SLC15A3: variants seen among roughly 807,000 people sequenced by gnomAD.
SLC15A3 encodes osteoclast transporter.
In SLC15A3, 39 loss-of-function variants were observed where a neutral mutation model predicts 49.2. The observed-to-expected ratio is 0.79, with a 90% CI of 0.61 to 1.04. The LOEUF is 1.04. Among genes scored for constraint, SLC15A3 ranks in the 50% least tolerant of loss-of-function variants. The probability of loss-of-function intolerance (pLI) is 0.00; values close to 1 mark genes in which losing one functional copy is unlikely to be tolerated. For synonymous variants in SLC15A3, 339 were observed against 367.0 expected, an observed-to-expected ratio of 0.92 and a Z score of 0.87; for missense variants, 758 against 794.8, an observed-to-expected ratio of 0.95 and a Z score of 0.56.
rs779245314 is a variant in SLC15A3, at chr11:60,938,074, G to C, written c.1436-49C>G. On this transcript the variant is annotated intron_variant, in intron 6 of 7. Transcript: ENST00000227880. ...TCTCAGGGGCTGGTGCAGGCGCAGA[G>C]AACAGGCCCAGGCCCCTGCTTGCTG... 1.9e-6 allele frequency: 3 copies of C among 1,593,074 alleles called. No homozygotes were observed. In the Admixed American group the frequency reaches 5.1e-5, roughly 27 times the overall value.
At chr11:60,937,755 C>T in intron 7 of SLC15A3, 115 bp downstream of exon 7, 1 of 1,346,414 alleles carries the variant, frequency 7.4e-7, no homozygotes, top group Non-Finnish European at 1.0e-6. Context: ...CCCCATTCTC[C>T]CAAGTCTAGC....
Position 60,937,959 on chromosome 11 carries a change from C to T in SLC15A3, c.1502G>A (p.Cys501Tyr). Residue 501 changes from cysteine to tyrosine, a missense_variant, in exon 7 of 8, where the codon TGC (cysteine) becomes TAC (tyrosine). Around this residue, in one of 3 missense-constraint regions of SLC15A3, gnomAD observed 699 missense variants for 706.7 expected, o/e 0.99. Transcript: ENST00000227880. ...CAACAGTGAGCCCACCCCCGACAGGCAGAAGAAGATGCCCATGATGGCGCC... is the reference window on the plus strand; with the variant it reads ...CAACAGTGAGCCCACCCCCGACAGGTAGAAGAAGATGCCCATGATGGCGCC... The part of the protein sequence containing the change: ...MQGAIMGIFF[C>Y]LSGVGSLLGS... 1 of 1,614,194 alleles carries T rather than the reference C, an allele frequency of 6.2e-7. No homozygotes were observed. The highest frequency in any genetic ancestry group is 8.5e-7 in the Non-Finnish European group (1 of 1,180,018).
chr11:60,944,401 C>T (rs1020095034), intron 2 of SLC15A3, among the ~76,000 whole-genome samples: 1 of 152,132 alleles, frequency 6.6e-6, no homozygotes, highest in African/African-American at 2.4e-5. Context: ...TCAGCAAAAT[C>T]GTCCTCTCCA....
rs369831762 is a variant in SLC15A3, at chr11:60,951,568, GC to G, written c.-18del. The G allele has an allele frequency of 1.0e-3, 1,150 of 1,134,202 alleles. 40 individuals are homozygous for G. In the South Asian group the frequency reaches 0.044, roughly 43 times the overall value. The allele number at this position is 1,134,202 out of a possible 1,614,324, so 70.3% of individuals were successfully genotyped here. A position where few individuals can be genotyped will look rare whatever the true frequency, so the allele number is the denominator to read the frequency against. ...CGCGGGCATCCTGGCTCCGGGCTGG[GC>G]CCCCCGCGGCTCTTCTCTCCTCTCC... On this transcript the variant is annotated 5_prime_UTR_variant, in exon 1 of 8. Transcript: ENST00000227880.
chr11:60,941,421 G>C, intron 4 of SLC15A3, 131 bp from the exon 5 acceptor site: 2 of 861,918 alleles, frequency 2.3e-6, no homozygotes, highest in Non-Finnish European at 3.5e-6. Context: ...TGGAGTTCAT[G>C]CTCCTCAGCT....
chr11:60,945,349 C>G (rs1217111011), intron 2 of SLC15A3, among the ~76,000 whole-genome samples: 1 of 152,228 alleles, frequency 6.6e-6, no homozygotes, highest in Non-Finnish European at 1.5e-5. Context: ...AGTTCTAGCC[C>G]TTTCCAGGTC....
rs199844407 is a variant in SLC15A3, at chr11:60,937,310, G to C, written c.1655C>G (p.Thr552Arg). 14 of 1,614,178 alleles carry C rather than the reference G, an allele frequency of 8.7e-6. No homozygotes were observed. Residue 552 changes from threonine to arginine, a missense_variant, in exon 8 of 8, where the codon ACG becomes AGG. Thr to Arg is a moderately conservative substitution (Grantham distance 71). Transcript: ENST00000227880. The stretch of plus-strand genomic sequence containing the variant: ...AGCGATCCAGACAAATAGGAGAGCC[G>C]TGACGGCCTGAATGCCAGCCAGCAG... ...FFLLAGIQAVTALLFVWIAGR... is the reference protein window; with the variant it reads ...FFLLAGIQAVRALLFVWIAGR...
At chr11:60,938,285 C>T (rs1440607055) in intron 6 of SLC15A3, among the ~76,000 whole-genome samples, 1 of 141,674 alleles carries the variant, frequency 7.1e-6, no homozygotes. Context: ...CCCCTCCTCC[C>T]CTTCCTGCCA....
intron 1 of SLC15A3, chr11:60,947,683 C>T (rs1856824950): frequency 1.3e-5 from 2 of 152,262 alleles, no homozygotes; most frequent in South Asian, 4.1e-4. Flanking sequence ...GAGGTGGTCC[C>T]AGGCACAGCC....
At chr11:60,941,095 C>T in intron 5 of SLC15A3, 27 bp downstream of exon 5, 2 of 1,591,076 alleles carry the variant, frequency 1.3e-6, no homozygotes, top group Non-Finnish European at 8.6e-7. Context: ...CAAAGTTCAG[C>T]CCCCTGCCCC....
intron 7 of SLC15A3, 126 bp from the exon 8 acceptor site, chr11:60,937,499 A>G: frequency 1.6e-6 from 2 of 1,218,946 alleles, no homozygotes; most frequent in East Asian, 2.4e-5. Flanking sequence ...ATCTGAAGAC[A>G]CTGGACAGAT....
intron 2 of SLC15A3, among the ~76,000 whole-genome samples, chr11:60,945,156 C>T (rs528806415): frequency 5.3e-5 from 8 of 152,314 alleles, no homozygotes; most frequent in South Asian, 4.1e-4. Flanking sequence ...TCTTCCTCCC[C>T]GGAACATTCA....
chr11:60,937,573 A>T, intron 7 of SLC15A3, 200 bp from the exon 8 acceptor site: 2 of 763,938 alleles, frequency 2.6e-6, no homozygotes, highest in Non-Finnish European at 4.4e-6. Flanking sequence ...TCAGCTATTC[A>T]GAAGGGGGCG....
chr11:60,951,454 G>T lies in SLC15A3; in HGVS notation c.98C>A (p.Ala33Glu), dbSNP rs1413328824. The T allele has an allele frequency of 7.0e-6, 10 of 1,429,900 alleles. No individual in the cohort carries two copies. The highest frequency in any genetic ancestry group is 9.2e-6 in the Non-Finnish European group (10 of 1,087,534). The allele number at this position is 1,429,900 out of a possible 1,614,324, so 88.6% of individuals were successfully genotyped here. A position where few individuals can be genotyped will look rare whatever the true frequency, so the allele number is the denominator to read the frequency against. ...CACCAGCAGCACGGCCGCGCCCGCC[G>T]CCCGCCGCCACCGTCGAGGGCCCCG... ...GARGPRRWRR[A>E]AGAAVLLVEM... Residue 33 changes from alanine (A) to glutamate (E), a missense_variant, in exon 1 of 8, where the codon GCG becomes GAG. This residue lies in a region of SLC15A3 where 31 missense variants were observed against 58.4 expected (regional missense o/e 0.53). Transcript: ENST00000227880.
chr11:60,939,834 G>A, intron 5 of SLC15A3, 196 bp from the exon 6 acceptor site: 1 of 606,304 alleles, frequency 1.6e-6, no homozygotes, highest in South Asian at 2.1e-5. Flanking sequence ...GGTCTTGGCT[G>A]CTAGAAGCTC....
rs568477232 is a variant in SLC15A3 at position 60,951,978 on chromosome 11, C to A, written c.-427G>T. 5.9e-5 allele frequency among the ~76,000 whole-genome samples: 9 copies of A among 151,992 alleles called. No homozygotes were observed. In the East Asian group the frequency reaches 1.6e-3, roughly 26 times the overall value. On this transcript the variant is annotated 5_prime_UTR_variant, in exon 1 of 8. Coordinates refer to ENST00000227880, the MANE Select transcript of SLC15A3 (RefSeq NM_016582.3). The stretch of plus-strand genomic sequence containing the variant: ...CCGTTTGTCGCCCCTTCCTGTTGTC[C>A]CCTCTCCTTATGACTCCTGGCCTGC...
chr11:60,944,667 G>A (rs1389805805), intron 2 of SLC15A3, among the ~76,000 whole-genome samples: 5 of 152,058 alleles, frequency 3.3e-5, no homozygotes, highest in African/African-American at 4.8e-5. Context: ...AGAGAGAGAC[G>A]CTGTCACAGA....
Position 60,946,742 on chromosome 11 carries a change from G to GACAGC in SLC15A3, c.633_637dup (p.Ser213CysfsTer104). 2.5e-6 allele frequency: 4 copies of GACAGC among 1,614,172 alleles called. No individual in the cohort carries two copies. The highest frequency in any genetic ancestry group is 2.5e-6 in the Non-Finnish European group (3 of 1,180,040). ...CTGAATAAACGCCACCACCAGCAGC[G>GACAGC]ACAGCACAGCACCCAGGTTGATGCT... On this transcript the variant is annotated frameshift_variant, in exon 2 of 8. Coordinates refer to ENST00000227880, the MANE Select transcript of SLC15A3 (RefSeq NM_016582.3). LOFTEE classifies it high-confidence loss of function.
intron 1 of SLC15A3, chr11:60,947,733 T>C (rs1856825742): frequency 6.6e-6 from 1 of 152,158 alleles, no homozygotes; most frequent in East Asian, 1.9e-4. Context: ...AACGTTTTTT[T>C]TCAGGCCTCC....
Sources: allele counts gnomAD v4.1 joint callset (sites outside exome capture counted in the v4.1 genomes callset), GRCh38; gene constraint gnomAD v4.1.1; regional missense constraint gnomAD v4.1.1; transcripts MANE v1.5; gene names NCBI Gene and HGNC (gene_info 2026-07-23, HGNC 2026-07-21).